RALGAPA1: variants seen among roughly 807,000 people sequenced by gnomAD.
The protein encoded by RALGAPA1 is Ral GTPase activating protein catalytic subunit alpha 1, also known as ral GTPase-activating protein subunit alpha-1.
In RALGAPA1, 52 loss-of-function variants were observed where a neutral mutation model predicts 269.6. The ratio of observed to expected loss-of-function variants is 0.19; its 90% CI spans 0.15 to 0.24. The LOEUF is 0.24. Among genes scored for constraint, RALGAPA1 ranks in the 10% least tolerant of loss-of-function variants. The pLI is 1.00. For synonymous variants in RALGAPA1, 817 were observed against 1,008.3 expected (o/e 0.81, Z 3.60); for missense variants, 1,917 against 3,013.9 (o/e 0.64, Z 8.52).
intron 7 of RALGAPA1, among the ~76,000 whole-genome samples, chr14:35,753,651 C>A (rs12101239): frequency 0.015 from 2,250 of 152,116 alleles, 47 homozygotes; most frequent in African/African-American, 0.049. Context: ...TATATAGAGA[C>A]AGAAAATCAA....
At chr14:35,696,304 C>T (rs1343689989) in intron 17 of RALGAPA1, among the ~76,000 whole-genome samples, 3 of 152,086 alleles carry the variant, frequency 2.0e-5, no homozygotes, top group Non-Finnish European at 2.9e-5. Flanking sequence ...ATCCCAGCTA[C>T]ATGGGAGGCT....
At chr14:35,716,397 CAAAAAAAA>C (rs78953823) in intron 16 of RALGAPA1, among the ~76,000 whole-genome samples, 5 of 44,620 alleles carry the variant, frequency 1.1e-4, no homozygotes, top group African/African-American at 4.0e-4. Flanking sequence ...GACTCCGTCT[CAAAAAAAA>C]AAAAAAAAAA....
intron 1 of RALGAPA1, among the ~76,000 whole-genome samples, chr14:35,792,733 G>A (rs1567240779): frequency 6.8e-6 from 1 of 147,094 alleles, no homozygotes; most frequent in Non-Finnish European, 1.5e-5. Flanking sequence ...CAGTGAGCTC[G>A]TGCCACTGCA....
rs1428712655 is a variant in RALGAPA1 at position 35,750,639 on chromosome 14, G to A, written c.854C>T (p.Ala285Val). 35 of 1,613,274 alleles carry A rather than the reference G, an allele frequency of 2.2e-5. No individual in the cohort carries two copies. The highest frequency in any genetic ancestry group is 2.9e-5 in the Non-Finnish European group (34 of 1,179,494). ...KPHYVVIKKD[A>V]ETNEAIYCTK... Reference sequence around the variant, plus strand: ...ACAATAGATTGCTTCATTGGTTTCAGCATCTTTCTTTATCACGACATAATG... The same window carrying A: ...ACAATAGATTGCTTCATTGGTTTCAACATCTTTCTTTATCACGACATAATG... Residue 285 changes from alanine (A) to valine (V), a missense_variant, in exon 9 of 42, where the codon GCT (alanine) becomes GTT (valine). Physicochemically the swap from Ala to Val is moderately conservative, Grantham distance 64. Transcript: ENST00000680220.
intron 39 of RALGAPA1, among the ~76,000 whole-genome samples, chr14:35,566,813 T>C (rs2056749690): frequency 6.7e-6 from 1 of 150,216 alleles, no homozygotes; most frequent in Admixed American, 6.7e-5. Context: ...AATCAAGTAA[T>C]CCACCTGTAT....
At position 35,752,291 on chromosome 14, in the gene RALGAPA1, C is replaced by T. The variant is rs1016626959; in HGVS notation, c.664-129G>A. The T allele has an allele frequency of 4.9e-5, 52 of 1,060,558 alleles. No homozygotes were observed. The South Asian group carries it at 1.1e-3, about 22-fold the overall frequency. The allele number at this position is 1,060,558 out of a possible 1,614,324, so 65.7% of individuals were successfully genotyped here. ...ACTGTTAACACTAAAGATCATGATACATAGCATAAGGACAAATCTTTTAAA... is the reference window on the plus strand; with the variant it reads ...ACTGTTAACACTAAAGATCATGATATATAGCATAAGGACAAATCTTTTAAA... On this transcript the variant is annotated intron_variant, in intron 7 of 41. Transcript: ENST00000680220.
At chr14:35,577,937 T>G (rs959980425) in intron 37 of RALGAPA1, among the ~76,000 whole-genome samples, 32 of 152,216 alleles carry the variant, frequency 2.1e-4, no homozygotes, top group Non-Finnish European at 4.1e-4. Context: ...ATTCCTTTTC[T>G]GTACTTTCCT....
chr14:35,602,566 G>C (rs1479151991), intron 36 of RALGAPA1, among the ~76,000 whole-genome samples: 1 of 152,156 alleles, frequency 6.6e-6, no homozygotes, highest in Non-Finnish European at 1.5e-5. Flanking sequence ...TGACAGCAAA[G>C]GATGTTGAGC....
chr14:35,677,820 C>A, intron 22 of RALGAPA1, 130 bp downstream of exon 22: 1 of 793,122 alleles, frequency 1.3e-6, no homozygotes, highest in East Asian at 3.0e-5. Context: ...AACAAATTTC[C>A]AAAGGACTTA....
intron 39 of RALGAPA1, among the ~76,000 whole-genome samples, chr14:35,561,696 G>C (rs1260267285): frequency 6.6e-6 from 1 of 151,796 alleles, no homozygotes; most frequent in Non-Finnish European, 1.5e-5. Flanking sequence ...TTTTAGTAGA[G>C]ACAGGGTTTC....
At chr14:35,695,195 A>T (rs2066803735) in intron 17 of RALGAPA1, among the ~76,000 whole-genome samples, 1 of 152,132 alleles carries the variant, frequency 6.6e-6, no homozygotes, top group Non-Finnish European at 1.5e-5. Context: ...ATGGCACCAC[A>T]GCAATCAAGC....
At chr14:35,598,376 T>C (rs1278836326) in intron 36 of RALGAPA1, among the ~76,000 whole-genome samples, 1 of 151,434 alleles carries the variant, frequency 6.6e-6, no homozygotes, top group African/African-American at 2.4e-5. Flanking sequence ...TTCTATCCTT[T>C]TACTTTCTGC....
At chr14:35,542,479 A>C (rs771542164) in intron 41 of RALGAPA1, 3 of 154,368 alleles carry the variant, frequency 1.9e-5, no homozygotes, top group Non-Finnish European at 4.3e-5. Context: ...AGAGTCAAAT[A>C]AGGATTTTTA....
intron 16 of RALGAPA1, among the ~76,000 whole-genome samples, chr14:35,701,976 A>G (rs953027287): frequency 3.6e-4 from 55 of 152,288 alleles, no homozygotes; most frequent in African/African-American, 1.3e-3. Context: ...ACTCTCCCAA[A>G]CAATTATTTA....
intron 16 of RALGAPA1, among the ~76,000 whole-genome samples, chr14:35,713,270 A>AG (rs2068519586): frequency 1.3e-5 from 2 of 152,186 alleles, no homozygotes; most frequent in Non-Finnish European, 2.9e-5. Flanking sequence ...AGAGATACTT[A>AG]GCTCAAGATA....
intron 12 of RALGAPA1, among the ~76,000 whole-genome samples, chr14:35,728,742 T>C (rs2070198929): frequency 6.6e-6 from 1 of 152,052 alleles, no homozygotes. Context: ...TTTCTTTTTT[T>C]TTTTTTTCGA....
At chr14:35,634,075 AT>A (rs1482632984) in intron 33 of RALGAPA1, among the ~76,000 whole-genome samples, 1 of 152,130 alleles carries the variant, frequency 6.6e-6, no homozygotes, top group Non-Finnish European at 1.5e-5. Flanking sequence ...CCAAAGCTAT[AT>A]TTTTTATTCT....
intron 41 of RALGAPA1, among the ~76,000 whole-genome samples, 176 bp downstream of exon 41, chr14:35,548,332 C>G (rs1003372950): frequency 6.6e-6 from 1 of 151,954 alleles, no homozygotes; most frequent in Admixed American, 6.6e-5. Flanking sequence ...TCATGCAGAC[C>G]TGGGTTAGTC....
At position 35,552,260 on chromosome 14, in the gene RALGAPA1, G is replaced by A. The variant is rs935844726; in HGVS notation, c.7497-3026C>T. On this transcript the variant is annotated intron_variant, in intron 39 of 41. Transcript: ENST00000680220. ...TAGACCACAGTTCTGAGTCCACAAC[G>A]AGGTGCTTTTTGTGATTGAGATGAT... Among the ~76,000 whole-genome samples, 25 of 151,992 alleles carry A rather than the reference G, an allele frequency of 1.6e-4. No individual in the cohort carries two copies. The East Asian group carries it at 3.9e-3, about 24-fold the overall frequency.
Sources: allele counts gnomAD v4.1 joint callset (sites outside exome capture counted in the v4.1 genomes callset), GRCh38; gene constraint gnomAD v4.1.1; transcripts MANE v1.5; gene names NCBI Gene and HGNC (gene_info 2026-07-23, HGNC 2026-07-21).